The following SHLD1 variants were observed in gnomAD, a reference collection of about 807,000 sequenced individuals.
SHLD1 encodes RINN1-REV7-interacting novel NHEJ regulator 3.
Under a neutral mutation model 5.5 loss-of-function variants are expected in SHLD1, and 3 were observed. That is an observed-to-expected ratio of 0.54 (90% CI 0.25 to 1.40). The LOEUF is 1.40. Ranked by LOEUF, SHLD1 falls within the 40% of genes most tolerant of loss-of-function variation. SHLD1 has a pLI of 0.15. For missense variants in SHLD1, 210 were observed against 244.4 expected, an observed-to-expected ratio of 0.86 and a Z score of 0.94; for synonymous variants, 92 against 94.3, an observed-to-expected ratio of 0.98 and a Z score of 0.14.
At chr20:5,778,370 G>A (rs62203877) in intron 2 of SHLD1, among the ~76,000 whole-genome samples, 35,430 of 149,190 alleles carry the variant, frequency 0.24, 4,481 homozygotes, top group Middle Eastern at 0.32. Context: ...CTTGTGATCC[G>A]CTTGAGAGGA....
At chr20:5,754,219 T>C (rs1983930714) in intron 1 of SHLD1, among the ~76,000 whole-genome samples, 1 of 152,146 alleles carries the variant, frequency 6.6e-6, no homozygotes. Flanking sequence ...CAAGCAATCC[T>C]CCCATCTCAG....
intron 2 of SHLD1, among the ~76,000 whole-genome samples, chr20:5,843,116 G>A (rs141262308): frequency 1.1e-3 from 163 of 152,018 alleles, no homozygotes; most frequent in African/African-American, 3.9e-3. Flanking sequence ...TTCTTTTGGT[G>A]TTTGGTTGAA....
chr20:5,826,947 CCT>C (rs1022277560), intron 2 of SHLD1, among the ~76,000 whole-genome samples: 4 of 151,958 alleles, frequency 2.6e-5, no homozygotes, highest in African/African-American at 9.7e-5. Context: ...CCCCCAGTCC[CCT>C]CTTTCTCCCA....
At chr20:5,837,026 G>A (rs568092003) in intron 2 of SHLD1, among the ~76,000 whole-genome samples, 35 of 152,322 alleles carry the variant, frequency 2.3e-4, no homozygotes, top group African/African-American at 7.7e-4. Flanking sequence ...AAATATAGGA[G>A]TGGAACTGAG....
chr20:5,777,310 C>T (rs1206392949), intron 2 of SHLD1, among the ~76,000 whole-genome samples: 1 of 151,804 alleles, frequency 6.6e-6, no homozygotes, highest in Non-Finnish European at 1.5e-5. Flanking sequence ...ACTTTTAATT[C>T]TTATCACATA....
chr20:5,791,400 C>T (rs1175617471), intron 2 of SHLD1, among the ~76,000 whole-genome samples: 2 of 151,520 alleles, frequency 1.3e-5, no homozygotes, highest in Non-Finnish European at 2.9e-5. Flanking sequence ...CTCGTCTCTA[C>T]AAAAAATACA....
intron 1 of SHLD1, among the ~76,000 whole-genome samples, chr20:5,751,091 C>A (rs1459879422): frequency 1.3e-5 from 2 of 152,178 alleles, no homozygotes; most frequent in Non-Finnish European, 2.9e-5. Flanking sequence ...AGAATACTTT[C>A]ATCACTCCAA....
intron 1 of SHLD1, among the ~76,000 whole-genome samples, chr20:5,754,389 G>C (rs1156582384): frequency 2.0e-5 from 3 of 152,130 alleles, no homozygotes; most frequent in African/African-American, 7.2e-5. Context: ...GGGACTACAG[G>C]TGTCAGCCCC....
At position 5,779,972 on chromosome 20, in the gene SHLD1, G is replaced by GTTTT. The variant is rs11381238; in HGVS notation, c.178+6949_178+6952dup. ...ACTTGGCATAGTTTTTACAATTTCT[G>GTTTT]TTTTTTTTTTTTTTTTTTTTTTTGG... is the stretch of plus-strand genomic sequence containing the variant. On this transcript the variant is annotated intron_variant, in intron 2 of 2. Transcript: ENST00000303142. Among the ~76,000 whole-genome samples, 265 of 81,748 alleles carry GTTTT rather than the reference G, an allele frequency of 3.2e-3. 9 individuals carry two copies. The highest frequency in any genetic ancestry group is 8.6e-3 in the African/African-American group (177 of 20,512). 53.6% of individuals were successfully genotyped at this position (81,748 alleles called of 152,430 possible).
intron 2 of SHLD1, among the ~76,000 whole-genome samples, chr20:5,857,658 A>G (rs780574031): frequency 9.2e-5 from 14 of 151,970 alleles, no homozygotes; most frequent in Non-Finnish European, 1.9e-4. Context: ...AAAATAGAAA[A>G]AAGTTAGCCG....
chr20:5,862,988 G>C, intron 2 of SHLD1, 36 bp from the exon 3 acceptor site: 1 of 1,514,318 alleles, frequency 6.6e-7, no homozygotes, highest in Non-Finnish European at 8.9e-7. Context: ...ATTTTTGATT[G>C]TGTGTTTGAG....
At chr20:5,832,063 C>T (rs992337842) in intron 2 of SHLD1, among the ~76,000 whole-genome samples, 1 of 152,200 alleles carries the variant, frequency 6.6e-6, no homozygotes, top group Non-Finnish European at 1.5e-5. Flanking sequence ...ACCTCAGCCT[C>T]GCAGGTAGCT....
rs535375901 is a variant in SHLD1, at chr20:5,793,043, C to T, written c.178+20000C>T. 2.0e-5 allele frequency among the ~76,000 whole-genome samples: 3 copies of T among 152,238 alleles called. No individual in the cohort carries two copies. The East Asian group carries it at 5.8e-4, about 29-fold the overall frequency. ...CCATTTGTTGGAGAGACCTTCTTTTCCCTATTGAGTAGTCTTGGCACCCTT... is the reference window on the plus strand; with the variant it reads ...CCATTTGTTGGAGAGACCTTCTTTTTCCTATTGAGTAGTCTTGGCACCCTT... On this transcript the variant is annotated intron_variant, in intron 2 of 2. Coordinates refer to ENST00000303142, the MANE Select transcript of SHLD1 (RefSeq NM_152504.4).
chr20:5,789,666 C>G (rs1016066301), intron 2 of SHLD1, among the ~76,000 whole-genome samples: 1 of 151,912 alleles, frequency 6.6e-6, no homozygotes, highest in Non-Finnish European at 1.5e-5. Context: ...AACTATTTCT[C>G]CTTGTTCTTC....
chr20:5,775,197 C>T (rs1985367982), intron 2 of SHLD1, among the ~76,000 whole-genome samples: 2 of 151,950 alleles, frequency 1.3e-5, no homozygotes, highest in South Asian at 4.1e-4. Context: ...CATCACCATA[C>T]ATGGCTTTTT....
chr20:5,752,916 T>G (rs1015111531), intron 1 of SHLD1, among the ~76,000 whole-genome samples: 1 of 152,196 alleles, frequency 6.6e-6, no homozygotes, highest in Non-Finnish European at 1.5e-5. Context: ...TGCCTCAGCC[T>G]ACGGCGTAGC....
At chr20:5,790,522 G>C (rs1221972677) in intron 2 of SHLD1, among the ~76,000 whole-genome samples, 4 of 148,430 alleles carry the variant, frequency 2.7e-5, no homozygotes, top group Non-Finnish European at 4.4e-5. Flanking sequence ...GTGCGATCTC[G>C]GCTCACTGCA....
chr20:5,809,571 T>C (rs1377409505), intron 2 of SHLD1, among the ~76,000 whole-genome samples: 1 of 152,020 alleles, frequency 6.6e-6, no homozygotes, highest in African/African-American at 2.4e-5. Flanking sequence ...CTGGATGAAT[T>C]ATCTTCTAAC....
intron 2 of SHLD1, among the ~76,000 whole-genome samples, chr20:5,847,483 A>G (rs2087946124): frequency 1.3e-5 from 2 of 152,200 alleles, no homozygotes; most frequent in Non-Finnish European, 2.9e-5. Flanking sequence ...GAAATAATCT[A>G]ATTGTGAGAT....
Sources: allele counts gnomAD v4.1 joint callset (sites outside exome capture counted in the v4.1 genomes callset), GRCh38; gene constraint gnomAD v4.1.1; transcripts MANE v1.5; gene names NCBI Gene and HGNC (gene_info 2026-07-23, HGNC 2026-07-21).